C2CD2L: variants seen among roughly 807,000 people sequenced by gnomAD.
C2CD2L encodes C2CD2 like.
A neutral mutation model predicts 69.9 loss-of-function variants in C2CD2L; 24 were observed. The ratio of observed to expected loss-of-function variants is 0.34; its 90% CI spans 0.25 to 0.48. The LOEUF (loss-of-function observed/expected upper bound fraction) is 0.48. C2CD2L is among the 20% of genes least tolerant of loss of function. The probability of loss-of-function intolerance (pLI) is 0.99; values close to 1 mark genes in which losing one functional copy is unlikely to be tolerated. For missense variants in C2CD2L, 811 were observed against 941.5 expected (o/e 0.86, Z 1.81); for synonymous variants, 367 against 391.0 (o/e 0.94, Z 0.72).
chr11:119,111,703 G>A, intron 7 of C2CD2L, 74 bp downstream of exon 7: 1 of 1,025,566 alleles, frequency 9.8e-7, no homozygotes, highest in South Asian at 1.5e-5. Context: ...AGTCCTTGCA[G>A]GAATCAGCTC....
Position 119,107,914 on chromosome 11 carries a change from G to A in C2CD2L, c.173G>A (p.Gly58Asp). 6.5e-7 allele frequency: 1 copy of A among 1,531,768 alleles called. No individual in the cohort carries two copies. The highest frequency in any genetic ancestry group is 2.2e-4 in the Middle Eastern group (1 of 4,604). 94.9% of individuals were successfully genotyped at this position (1,531,768 alleles called of 1,614,324 possible). Residue 58 changes from glycine to aspartate, a missense_variant, in exon 1 of 14, where the codon GGT becomes GAT. Transcript: ENST00000648610. The surrounding 1 kb of genome is among the most constrained non-coding windows in gnomAD (Gnocchi z 5.4). ...PGPALAGEPA[G>D]SLRELGVWRS... ...CCCGCCTTAGCCGGGGAACCCGCGGGTTCCCTGCGGGAGCTGGGCGTGTGG... is the reference window on the plus strand; with the variant it reads ...CCCGCCTTAGCCGGGGAACCCGCGGATTCCCTGCGGGAGCTGGGCGTGTGG...
chr11:119,111,474 C>A (rs576674224), intron 6 of C2CD2L, 47 bp from the exon 7 acceptor site: 1 of 1,599,036 alleles, frequency 6.3e-7, no homozygotes, highest in East Asian at 2.2e-5. Context: ...TCTGCAGTGA[C>A]TTCCCATCTC....
At chr11:119,105,898 C>A (rs2134929201), upstream of C2CD2L, among the ~76,000 whole-genome samples, 1 of 152,288 alleles carries the variant, frequency 6.6e-6, no homozygotes, top group East Asian at 1.9e-4. Flanking sequence ...TCCTGCATAA[C>A]CTGCTCCCCT....
chr11:119,115,966 C>A, intron 13 of C2CD2L, 79 bp from the exon 14 acceptor site: 2 of 1,162,966 alleles, frequency 1.7e-6, no homozygotes, highest in Admixed American at 2.0e-5. Flanking sequence ...TCTTTCCCTC[C>A]ATTCTCCATC....
Position 119,116,076 on chromosome 11 carries a change from C to G in C2CD2L, c.1941C>G (p.Ile647Met), listed in dbSNP as rs1251619391. The change falls in exon 14 of 14, where the codon ATC (isoleucine) becomes ATG (methionine). Residue 647 changes from isoleucine (I) to methionine (M), a missense_variant. By Grantham distance (10) the Ile-to-Met change is conservative. Coordinates refer to ENST00000648610, the MANE Select transcript of C2CD2L (RefSeq NM_001290474.2). ...VSFLRSGTKL[I>M]FRRRPRQKEA... ...TCCTGCGCAGCGGCACTAAGCTCAT[C>G]TTCCGCCGGAGGCCTAGGCAGAAGG... The G allele has an allele frequency of 6.2e-7, 1 of 1,613,970 alleles. No individual in the cohort carries two copies. The highest frequency in any genetic ancestry group is 8.5e-7 in the Non-Finnish European group (1 of 1,180,026).
At chr11:119,111,485 T>C (rs1946741612) in intron 6 of C2CD2L, 36 bp from the exon 7 acceptor site, 1 of 1,606,928 alleles carries the variant, frequency 6.2e-7, no homozygotes, top group Non-Finnish European at 8.5e-7. Context: ...TTCCCATCTC[T>C]GATCTGAGCA....
chr11:119,116,110 C>T lies in C2CD2L; in HGVS notation c.1975C>T (p.Leu659=). The stretch of plus-strand genomic sequence containing the variant: ...GAGGCCTAGGCAGAAGGAAGCTGGC[C>T]TGAGCCAATCACACGATGACCTCTC... ...RRRPRQKEAG[L]SQSHDDLSNA... Residue 659 remains leucine, a synonymous_variant, in exon 14 of 14, where the codon CTG becomes TTG. Coordinates refer to ENST00000648610, the MANE Select transcript of C2CD2L (RefSeq NM_001290474.2). 2 of 1,614,212 alleles carry T rather than the reference C, an allele frequency of 1.2e-6. No individual in the cohort carries two copies. The highest frequency in any genetic ancestry group is 1.7e-6 in the Non-Finnish European group (2 of 1,180,036).
At position 119,112,825 on chromosome 11, in the gene C2CD2L, C is replaced by T. The variant is rs982128936; in HGVS notation, c.1338C>T (p.Val446=). The change falls in exon 10 of 14, where the codon GTC becomes GTT. Residue 446 remains valine, a synonymous_variant. Transcript: ENST00000648610. The stretch of plus-strand genomic sequence containing the variant: ...CCATCATGCCCGATGGCACCATTGT[C>T]ACCACAGTCACCACTGTCCAGTCCC... ...DRTIMPDGTI[V]TTVTTVQSRP... 3.7e-6 allele frequency: 6 copies of T among 1,613,960 alleles called. No homozygotes were observed. Among genetic ancestry groups the T allele is most frequent in the African/African-American group, 1.3e-5 (1 of 74,902 alleles).
At chr11:119,112,060 A>C (rs1170202598) in intron 7 of C2CD2L, 3 of 513,022 alleles carry the variant, frequency 5.8e-6, no homozygotes, top group Middle Eastern at 1.0e-3. Flanking sequence ...CAAATGAAAG[A>C]GGGTGGCTTG....
In C2CD2L at chr11:119,112,564, A is replaced by C; in HGVS notation, c.1167A>C (p.Pro389=). Reference sequence around the variant, plus strand: ...GAAGACAGTTGTGCCCACTCACCCCAGGGCCAGGGAAAGCCCTGGGACCAG... The same window carrying C: ...GAAGACAGTTGTGCCCACTCACCCCCGGGCCAGGGAAAGCCCTGGGACCAG... The part of the protein sequence containing the change: ...LSRRQLCPLT[P]GPGKALGPAA... Residue 389 remains proline (P), a synonymous_variant, in exon 9 of 14, where the codon CCA becomes CCC. Coordinates refer to ENST00000648610, the MANE Select transcript of C2CD2L (RefSeq NM_001290474.2). 1 of 1,612,784 alleles carries C rather than the reference A, an allele frequency of 6.2e-7. No individual in the cohort carries two copies.
intron 1 of C2CD2L, among the ~76,000 whole-genome samples, chr11:119,108,953 T>C (rs1946664951): frequency 6.6e-6 from 1 of 152,176 alleles, no homozygotes; most frequent in Non-Finnish European, 1.5e-5. Context: ...GAAACAGAAA[T>C]GTCCACAAGA....
Position 119,107,779 on chromosome 11 carries a change from C to A in C2CD2L, c.38C>A (p.Ala13Glu). ...TGGGGGCAGCGGGACGTGGGCTGGG[C>A]GGCCTTGCTGATCCTCTTCGCCGCC... Reference protein sequence around the residue: ...PGWGQRDVGWAALLILFAASL... With the variant: ...PGWGQRDVGWEALLILFAASL... The change falls in exon 1 of 14, where the codon GCG (alanine) becomes GAG (glutamate). Residue 13 changes from alanine to glutamate, a missense_variant. Transcript: ENST00000648610. The surrounding 1 kb of genome is among the most constrained non-coding windows in gnomAD (Gnocchi z 5.4). 1 of 1,543,156 alleles carries A rather than the reference C, an allele frequency of 6.5e-7. No individual in the cohort carries two copies. Among genetic ancestry groups the A allele is most frequent in the Non-Finnish European group, 8.6e-7 (1 of 1,157,640 alleles).
At chr11:119,113,043 T>G (rs1362465979) in intron 10 of C2CD2L, 169 bp downstream of exon 10, 1 of 627,248 alleles carries the variant, frequency 1.6e-6, no homozygotes, top group Non-Finnish European at 2.7e-6. Flanking sequence ...TTCCAAACTT[T>G]CCCTTACCTC....
rs369411564 is a variant in C2CD2L, at chr11:119,108,107, C to G, written c.354+12C>G. ...CCTGCAGAAACGGGGTGAGTTGGACCAAGCGCTTGGGTGGTCCCTTCAGCC... is the reference window on the plus strand; with the variant it reads ...CCTGCAGAAACGGGGTGAGTTGGACGAAGCGCTTGGGTGGTCCCTTCAGCC... On this transcript the variant is annotated intron_variant, in intron 1 of 13. Coordinates refer to ENST00000648610, the MANE Select transcript of C2CD2L (RefSeq NM_001290474.2). 7.7e-5 allele frequency: 121 copies of G among 1,564,474 alleles called. No homozygotes were observed. The highest frequency in any genetic ancestry group is 1.0e-4 in the Non-Finnish European group (120 of 1,150,044).
upstream of C2CD2L, among the ~76,000 whole-genome samples, chr11:119,103,434 C>T (rs1414401523): frequency 1.3e-5 from 2 of 152,166 alleles, no homozygotes; most frequent in Non-Finnish European, 2.9e-5. Context: ...CAGTGGCTAA[C>T]GTCTGTAATC....
intron 5 of C2CD2L, 47 bp downstream of exon 5, chr11:119,111,215 G>A (rs1261515169): frequency 6.2e-7 from 1 of 1,606,338 alleles, no homozygotes; most frequent in Non-Finnish European, 8.5e-7. Flanking sequence ...CTTGTTCCTA[G>A]GGTGCTATGT....
In C2CD2L at chr11:119,110,479, G is replaced by A; in HGVS notation, c.451-82G>A. The A allele has an allele frequency of 6.8e-7, 1 of 1,468,174 alleles. No homozygotes were observed. Among genetic ancestry groups the A allele is most frequent in the East Asian group, 2.4e-5 (1 of 41,550 alleles). The allele number at this position is 1,468,174 out of a possible 1,614,324, so 90.9% of individuals were successfully genotyped here. On this transcript the variant is annotated intron_variant, in intron 2 of 13. Transcript: ENST00000648610. The surrounding 1 kb of genome is among the most constrained non-coding windows in gnomAD (Gnocchi z 5.7). ...GTCCTTAGGAAAACGGAAGTGGGGA[G>A]GGGTCTGCTGAACTATTACAGGGCA...
chr11:119,107,655 C>T lies in C2CD2L; in HGVS notation c.-87C>T. 1 of 821,660 alleles carries T rather than the reference C, an allele frequency of 1.2e-6. No individual in the cohort carries two copies. The highest frequency in any genetic ancestry group is 1.7e-6 in the Non-Finnish European group (1 of 587,316). 50.9% of individuals were successfully genotyped at this position (821,660 alleles called of 1,614,324 possible). A position where few individuals can be genotyped will look rare whatever the true frequency, so the allele number is the denominator to read the frequency against. ...GCGCGCCCAGCCCCGGGGGAGCCCACCTCCTCCCCGCGGCCCGCCCGGGCC... is the reference window on the plus strand; with the variant it reads ...GCGCGCCCAGCCCCGGGGGAGCCCATCTCCTCCCCGCGGCCCGCCCGGGCC... On this transcript the variant is annotated 5_prime_UTR_variant, in exon 1 of 14. Coordinates refer to ENST00000648610, the MANE Select transcript of C2CD2L (RefSeq NM_001290474.2). The surrounding 1 kb of genome is among the most constrained non-coding windows in gnomAD (Gnocchi z 5.4).
intron 10 of C2CD2L, 43 bp downstream of exon 10, chr11:119,112,917 C>A (rs368222650): frequency 6.4e-7 from 1 of 1,561,442 alleles, no homozygotes; most frequent in East Asian, 2.2e-5. Context: ...GCCAGGGGCC[C>A]GGGACTGCAG....
Sources: gnomAD v4.1 joint callset for allele counts (sites outside exome capture counted in the v4.1 genomes callset) on GRCh38, gnomAD v4.1.1 for gene constraint, Gnocchi (gnomAD v3.1) non-coding constraint, MANE v1.5 for transcripts, NCBI Gene and HGNC (gene_info 2026-07-23, HGNC 2026-07-21) for gene names.